The following ZNF385B variants were observed in gnomAD, a reference collection of about 807,000 sequenced individuals.
ZNF385B encodes zinc finger protein 533.
In ZNF385B, 23 loss-of-function variants were observed where a neutral mutation model predicts 39.2. The ratio of observed to expected loss-of-function variants is 0.59; its 90% CI spans 0.42 to 0.83. ZNF385B has a LOEUF of 0.83. Ranked by LOEUF, ZNF385B falls within the 40% of genes least tolerant of loss-of-function variation. The pLI, the probability that ZNF385B is intolerant of heterozygous loss-of-function variation, is 0.00. For missense variants in ZNF385B, 552 were observed against 598.9 expected, an observed-to-expected ratio of 0.92 and a Z score of 0.82; for synonymous variants, 205 against 222.6, an observed-to-expected ratio of 0.92 and a Z score of 0.70.
At chr2:179,771,746 T>C (rs1158344744) in intron 1 of ZNF385B, among the ~76,000 whole-genome samples, 3 of 152,238 alleles carry the variant, frequency 2.0e-5, no homozygotes, top group Non-Finnish European at 2.9e-5. Context: ...CTATATCTTC[T>C]CTTAAAATAT....
intron 5 of ZNF385B, among the ~76,000 whole-genome samples, chr2:179,493,364 T>G (rs2055455375): frequency 7.6e-6 from 1 of 132,346 alleles, no homozygotes; most frequent in African/African-American, 2.5e-5. Context: ...TATATATATG[T>G]AGGTTTGTGT....
chr2:179,781,861 C>A (rs981934686), intron 1 of ZNF385B, among the ~76,000 whole-genome samples: 1 of 152,016 alleles, frequency 6.6e-6, no homozygotes, highest in Non-Finnish European at 1.5e-5. Flanking sequence ...AACAATAAAG[C>A]CCAGGACCTG....
rs183362902 is a variant in ZNF385B, at chr2:179,577,410, T to C, written c.299-32441A>G. ...ACACTGAAACATAAAGTTTCTCTAA[T>C]AGTGTATGCCAAAAAGTATATATGA... On this transcript the variant is annotated intron_variant, in intron 3 of 9. Transcript: ENST00000410066. Among the ~76,000 whole-genome samples, 84 of 152,246 alleles carry C rather than the reference T, an allele frequency of 5.5e-4. 1 individual carries two copies. In the Middle Eastern group the frequency reaches 0.014, roughly 25 times the overall value.
chr2:179,827,113 T>C lies in ZNF385B; in HGVS notation c.-155+33988A>G, dbSNP rs971900669. On this transcript the variant is annotated intron_variant, in intron 1 of 9. Transcript: ENST00000410066. ...AACTGACATCCCATCAAGTACCAGATACTTTATTAAGCACTAGAAATACAT... is the reference window on the plus strand; with the variant it reads ...AACTGACATCCCATCAAGTACCAGACACTTTATTAAGCACTAGAAATACAT... 5.9e-5 allele frequency among the ~76,000 whole-genome samples: 9 copies of C among 152,240 alleles called. 1 individual carries two copies. The highest frequency in any genetic ancestry group is 2.2e-4 in the African/African-American group (9 of 41,462).
intron 3 of ZNF385B, among the ~76,000 whole-genome samples, chr2:179,638,962 T>C (rs1211613069): frequency 2.6e-5 from 4 of 152,092 alleles, no homozygotes; most frequent in Admixed American, 6.6e-5. Flanking sequence ...CTCATGTCTG[T>C]AATTCAAACA....
intron 3 of ZNF385B, among the ~76,000 whole-genome samples, chr2:179,624,652 T>A (rs926192828): frequency 8.5e-5 from 13 of 152,226 alleles, no homozygotes; most frequent in Admixed American, 8.5e-4. Context: ...CCTGAAATGA[T>A]ACTGTGGATT....
At chr2:179,777,576 T>A (rs1236233770) in intron 1 of ZNF385B, among the ~76,000 whole-genome samples, 1 of 152,052 alleles carries the variant, frequency 6.6e-6, no homozygotes, top group Non-Finnish European at 1.5e-5. Flanking sequence ...ACTTAAGCAC[T>A]ATATTTTTTA....
At position 179,769,527 on chromosome 2, in the gene ZNF385B, T is replaced by C; in HGVS notation, c.274A>G (p.Ser92Gly). 6.2e-7 allele frequency: 1 copy of C among 1,613,990 alleles called. No homozygotes were observed. Among genetic ancestry groups the C allele is most frequent in the Non-Finnish European group, 8.5e-7 (1 of 1,179,976 alleles). Residue 92 changes from serine (S) to glycine (G), a missense_variant, in exon 3 of 10, where the codon AGC becomes GGC. Coordinates refer to ENST00000410066, the MANE Select transcript of ZNF385B (RefSeq NM_152520.6). ...CCTGTGCTGCTGTTGCTGCTGGGGC[T>C]GGCCTGGGCGGGTGGTGGGGGCTGC... Reference protein sequence around the residue: ...DGQPPPPAQASPSSNSSTGST... With the variant: ...DGQPPPPAQAGPSSNSSTGST...
chr2:179,829,802 C>A (rs971001734), intron 1 of ZNF385B, among the ~76,000 whole-genome samples: 1 of 152,178 alleles, frequency 6.6e-6, no homozygotes, highest in South Asian at 2.1e-4. Flanking sequence ...CGTGACCCAC[C>A]GCGCCCGGCC....
intron 3 of ZNF385B, among the ~76,000 whole-genome samples, chr2:179,568,939 A>T (rs1684900619): frequency 6.6e-6 from 1 of 152,154 alleles, no homozygotes; most frequent in Non-Finnish European, 1.5e-5. Flanking sequence ...ACCATCTAAC[A>T]CCTAGAGTTT....
chr2:179,577,202 C>T (rs564048999), intron 3 of ZNF385B, among the ~76,000 whole-genome samples: 1 of 151,922 alleles, frequency 6.6e-6, no homozygotes, highest in African/African-American at 2.4e-5. Flanking sequence ...AGCAGGCCAC[C>T]CAGGCCCAGG....
intron 3 of ZNF385B, among the ~76,000 whole-genome samples, chr2:179,612,148 T>A (rs1051073818): frequency 6.6e-6 from 1 of 152,212 alleles, no homozygotes; most frequent in Non-Finnish European, 1.5e-5. Flanking sequence ...TTTCATTGAG[T>A]TTCTTCAAAA....
chr2:179,568,967 A>G (rs565771266), intron 3 of ZNF385B, among the ~76,000 whole-genome samples: 1 of 152,342 alleles, frequency 6.6e-6, no homozygotes, highest in African/African-American at 2.4e-5. Context: ...ATCTTTACTC[A>G]TTTGTATAAC....
chr2:179,518,861 G>GA (rs1289639090), intron 4 of ZNF385B, among the ~76,000 whole-genome samples: 2 of 152,102 alleles, frequency 1.3e-5, no homozygotes, highest in African/African-American at 4.8e-5. Flanking sequence ...ACATAACTCA[G>GA]AAAAAACCAC....
chr2:179,844,585 G>T (rs932738781), intron 1 of ZNF385B, among the ~76,000 whole-genome samples: 1 of 152,150 alleles, frequency 6.6e-6, no homozygotes, highest in Non-Finnish European at 1.5e-5. Context: ...AAAGAAAGAA[G>T]CAAGGAAGAA....
At chr2:179,557,546 A>G (rs1437245205) in intron 3 of ZNF385B, among the ~76,000 whole-genome samples, 1 of 120,490 alleles carries the variant, frequency 8.3e-6, no homozygotes, top group Non-Finnish European at 1.8e-5. Context: ...ACATGTATAT[A>G]ACATATATAC....
intron 3 of ZNF385B, among the ~76,000 whole-genome samples, chr2:179,750,914 G>C (rs1323705131): frequency 1.3e-5 from 2 of 152,040 alleles, no homozygotes; most frequent in Non-Finnish European, 2.9e-5. Context: ...CAAAAATTAA[G>C]TGAAAGCAAG....
intron 3 of ZNF385B, among the ~76,000 whole-genome samples, chr2:179,614,665 G>A (rs1261631428): frequency 6.6e-6 from 1 of 152,152 alleles, no homozygotes; most frequent in Non-Finnish European, 1.5e-5. Flanking sequence ...CAGTACTGAG[G>A]TATCTAGTTC....
At chr2:179,813,508 C>CA (rs1481970170) in intron 1 of ZNF385B, among the ~76,000 whole-genome samples, 3 of 152,028 alleles carry the variant, frequency 2.0e-5, no homozygotes, top group African/African-American at 7.2e-5. Context: ...TACAAGTCAA[C>CA]AAAAAACTAC....
Sources: gnomAD v4.1 joint callset for allele counts (sites outside exome capture counted in the v4.1 genomes callset) on GRCh38, gnomAD v4.1.1 for gene constraint, MANE v1.5 for transcripts, NCBI Gene and HGNC (gene_info 2026-07-23, HGNC 2026-07-21) for gene names.